Variants in SYT12 observed in about 807,000 individuals in gnomAD.
SYT12 encodes the protein synaptotagmin 12.
Under a neutral mutation model 39.5 loss-of-function variants are expected in SYT12, and 27 were observed. The observed-to-expected ratio is 0.68, with a 90% CI of 0.50 to 0.94. The LOEUF is 0.94. SYT12 is among the 40% of genes least tolerant of loss of function. SYT12 has a pLI of 0.00. For synonymous variants in SYT12, 233 were observed against 239.7 expected (o/e 0.97, Z 0.26); for missense variants, 536 against 572.6 (o/e 0.94, Z 0.65).
chr11:67,007,784 G>C, intron 1 of SYT12, among the ~76,000 whole-genome samples: 1 of 151,642 alleles, frequency 6.6e-6, no homozygotes, highest in African/African-American at 2.4e-5. Flanking sequence ...GCCTGGACTT[G>C]AACTCCTGAA....
At chr11:67,041,655 T>C (rs1432418428) in intron 4 of SYT12, among the ~76,000 whole-genome samples, 1 of 151,970 alleles carries the variant, frequency 6.6e-6, no homozygotes, top group East Asian at 1.9e-4. Context: ...CCCAAAAGGA[T>C]AGAGGGCCAC....
intron 4 of SYT12, among the ~76,000 whole-genome samples, chr11:67,042,681 G>A (rs539358955): frequency 3.3e-5 from 5 of 152,336 alleles, no homozygotes; most frequent in South Asian, 2.1e-4. Flanking sequence ...TAATTTAGCC[G>A]AAGGAGGGAG....
chr11:67,030,321 A>G, intron 2 of SYT12, 143 bp downstream of exon 2: 1 of 933,618 alleles, frequency 1.1e-6, no homozygotes, highest in Non-Finnish European at 1.6e-6. Context: ...GACTTGCCCA[A>G]GGTCAGACAG....
intron 4 of SYT12, among the ~76,000 whole-genome samples, chr11:67,041,718 A>G (rs1382418306): frequency 2.0e-5 from 3 of 152,162 alleles, no homozygotes; most frequent in Non-Finnish European, 2.9e-5. Context: ...GCCAAGGGAC[A>G]TGGTCATCCC....
intron 1 of SYT12, among the ~76,000 whole-genome samples, chr11:67,009,076 G>T (rs781760831): frequency 6.6e-6 from 1 of 152,062 alleles, no homozygotes; most frequent in Admixed American, 6.5e-5. Context: ...AGTGCATCTT[G>T]GCTCCCTGCA....
At position 67,045,792 on chromosome 11, in the gene SYT12, A is replaced by C. The variant is rs753778453; in HGVS notation, c.1007A>C (p.Lys336Thr). 9 of 1,613,896 alleles carry C rather than the reference A, an allele frequency of 5.6e-6. No homozygotes were observed. The highest frequency in any genetic ancestry group is 1.7e-5 in the Admixed American group (1 of 60,000). Residue 336 changes from lysine (K) to threonine (T), a missense_variant, in exon 7 of 8, where the codon AAA (lysine) becomes ACA (threonine). Lys to Thr is a moderately conservative substitution (Grantham distance 78). Coordinates refer to ENST00000527043, the MANE Select transcript of SYT12 (RefSeq NM_177963.4). ...CTGCAGGATGGGAGGAAGATGAGCA[A>C]AAAGAAGACAGCCGTGAAGAGGGAT... ...YLLQDGRKMS[K>T]KKTAVKRDDP...
At chr11:67,019,126 A>G (rs546905021), upstream of SYT12, among the ~76,000 whole-genome samples, 3 of 44,352 alleles carry the variant, frequency 6.8e-5, no homozygotes, top group Admixed American at 9.4e-4. Context: ...CACATCTTAC[A>G]TGGTGGCAGA....
At position 67,043,624 on chromosome 11, in the gene SYT12, C is replaced by G; in HGVS notation, c.622-14C>G. The G allele has an allele frequency of 6.2e-7, 1 of 1,613,890 alleles. No homozygotes were observed. On this transcript the variant is annotated splice_polypyrimidine_tract_variant and intron_variant, in intron 4 of 7. Transcript: ENST00000527043. ...TCAGGCCCCTAGCGCCCTCCATGGCCTTTTCTCCTGCAGATCCAGAGAAAT... is the reference window on the plus strand; with the variant it reads ...TCAGGCCCCTAGCGCCCTCCATGGCGTTTTCTCCTGCAGATCCAGAGAAAT...
Position 67,048,640 on chromosome 11 carries a change from C to G in SYT12, c.1149C>G (p.Asn383Lys). 1 of 1,612,624 alleles carries G rather than the reference C, an allele frequency of 6.2e-7. No homozygotes were observed. The highest frequency in any genetic ancestry group is 8.5e-7 in the Non-Finnish European group (1 of 1,179,062). ...AESSSDGRGD[N>K]VGHVIIGPSA... ...GCAGCAGCGACGGCCGTGGGGACAA[C>G]GTGGGCCATGTCATCATTGGGCCGT... The change falls in exon 8 of 8, where the codon AAC (asparagine) becomes AAG (lysine). Residue 383 changes from asparagine to lysine, a missense_variant. Physicochemically the swap from Asn to Lys is moderately conservative, Grantham distance 94. Coordinates refer to ENST00000527043, the MANE Select transcript of SYT12 (RefSeq NM_177963.4).
At chr11:67,028,899 T>G (rs1185715486) in intron 1 of SYT12, 1 of 152,256 alleles carries the variant, frequency 6.6e-6, no homozygotes, top group East Asian at 1.9e-4. Context: ...TCTGCAGTTC[T>G]TACCTCCCCT....
At chr11:67,035,002 CTTTTTTTTTTTTT>C (rs11316433) in intron 3 of SYT12, among the ~76,000 whole-genome samples, 164 bp downstream of exon 3, 167 of 112,102 alleles carry the variant, frequency 1.5e-3, no homozygotes, top group African/African-American at 5.9e-3. Context: ...ACATCTTCAA[CTTTTTTTTTTTTT>C]TTTTTTTTTT....
chr11:67,036,040 G>A (rs1218044087), intron 3 of SYT12, among the ~76,000 whole-genome samples: 1 of 151,242 alleles, frequency 6.6e-6, no homozygotes, highest in Non-Finnish European at 1.5e-5. Context: ...TCAGCCTCCT[G>A]AGTAGCTGGG....
chr11:67,048,604 G>GGAGAGACT lies in SYT12; in HGVS notation c.1114_1115insAGAGACTG (p.Val372GlufsTer80). 1 of 1,603,564 alleles carries GGAGAGACT rather than the reference G, an allele frequency of 6.2e-7. No individual in the cohort carries two copies. The highest frequency in any genetic ancestry group is 8.5e-7 in the Non-Finnish European group (1 of 1,171,550). On this transcript the variant is annotated frameshift_variant, in exon 8 of 8. Coordinates refer to ENST00000527043, the MANE Select transcript of SYT12 (RefSeq NM_177963.4). LOFTEE classifies it high-confidence loss of function. The stretch of plus-strand genomic sequence containing the variant: ...CTCAGGACCTGTCTCTCCGCGTGAC[G>GGAGAGACT]GTGGCTGAGAGCAGCAGCGACGGCC...
chr11:67,029,969 T>G (rs1430095900), intron 1 of SYT12, 153 bp from the exon 2 acceptor site: 1 of 606,780 alleles, frequency 1.6e-6, no homozygotes, highest in African/African-American at 1.9e-5. Context: ...TAAACATCAT[T>G]TCTTAAAATG....
chr11:67,035,458 C>CTTTTTTTTTTTTT, intron 3 of SYT12, among the ~76,000 whole-genome samples: 1 of 90,238 alleles, frequency 1.1e-5, no homozygotes, highest in Non-Finnish European at 2.2e-5. Context: ...TTTTTCTTTT[C>CTTTTTTTTTTTTT]TTTTTTTTTT....
At chr11:67,021,637 A>G (rs1950110612), upstream of SYT12, among the ~76,000 whole-genome samples, 1 of 152,020 alleles carries the variant, frequency 6.6e-6, no homozygotes, top group African/African-American at 2.4e-5. Context: ...GGCCCCTTTT[A>G]TGCCCTGATG....
In SYT12 at chr11:67,034,922, C is replaced by A. The variant is rs372146053; in HGVS notation, c.228+84C>A. On this transcript the variant is annotated intron_variant, in intron 3 of 7. Coordinates refer to ENST00000527043, the MANE Select transcript of SYT12 (RefSeq NM_177963.4). ...CTCAGATCAGTCTTCAGCCCCTCTC[C>A]CTCCGTCACCACCTCCTCCTGGTTA... The A allele has an allele frequency of 2.4e-5, 26 of 1,077,274 alleles. No homozygotes were observed. The African/African-American group carries it at 4.0e-4, about 16-fold the overall frequency. 66.7% of individuals were successfully genotyped at this position (1,077,274 alleles called of 1,614,324 possible).
At chr11:67,024,245 C>A (rs2045542200) in intron 1 of SYT12, among the ~76,000 whole-genome samples, 1 of 152,224 alleles carries the variant, frequency 6.6e-6, no homozygotes, top group Admixed American at 6.5e-5. Context: ...GCTCCTTCTC[C>A]CCGTCAGGGG....
At chr11:67,036,801 C>T (rs1179066391) in intron 3 of SYT12, among the ~76,000 whole-genome samples, 1 of 151,938 alleles carries the variant, frequency 6.6e-6, no homozygotes, top group African/African-American at 2.4e-5. Flanking sequence ...TGACCGGGCA[C>T]AGTGGCTCAT....
Sources: allele counts gnomAD v4.1 joint callset (sites outside exome capture counted in the v4.1 genomes callset), GRCh38; gene constraint gnomAD v4.1.1; transcripts MANE v1.5; gene names NCBI Gene and HGNC (gene_info 2026-07-23, HGNC 2026-07-21).